OPALIN: variants seen among roughly 807,000 people sequenced by gnomAD.
OPALIN encodes oligodendrocytic myelin paranodal and inner loop protein, also known as transmembrane protein 10.
A neutral mutation model predicts 17.8 loss-of-function variants in OPALIN; 15 were observed. The observed-to-expected ratio is 0.84, with a 90% CI of 0.56 to 1.29. The LOEUF is 1.29. Ranked by LOEUF, OPALIN falls within the 50% of genes most tolerant of loss-of-function variation. The pLI is 0.00. For synonymous variants in OPALIN, 62 were observed against 63.8 expected, an observed-to-expected ratio of 0.97 and a Z score of 0.14; for missense variants, 170 against 176.0, an observed-to-expected ratio of 0.97 and a Z score of 0.19.
chr10:96,348,397 G>T (rs1464176268), intron 4 of OPALIN, 52 bp from the exon 5 acceptor site: 6 of 910,354 alleles, frequency 6.6e-6, no homozygotes, highest in Non-Finnish European at 8.8e-6. Context: ...AGAAGTGAAG[G>T]GTTATAGCAT....
At chr10:96,346,259 T>A in intron 5 of OPALIN, 142 bp from the exon 6 acceptor site, 2 of 695,274 alleles carry the variant, frequency 2.9e-6, no homozygotes, top group Non-Finnish European at 4.9e-6. Flanking sequence ...TTCAAGACAC[T>A]AGACAACAGG....
At chr10:96,354,701 G>T (rs949997321) in intron 2 of OPALIN, among the ~76,000 whole-genome samples, 5 of 150,562 alleles carry the variant, frequency 3.3e-5, no homozygotes, top group African/African-American at 1.0e-4. Flanking sequence ...TATTGTTGTT[G>T]TTGTTTTCCT....
At chr10:96,347,720 G>A (rs914115346) in intron 5 of OPALIN, among the ~76,000 whole-genome samples, 2 of 151,882 alleles carry the variant, frequency 1.3e-5, no homozygotes, top group East Asian at 1.9e-4. Flanking sequence ...TGATTCACCC[G>A]CCTCAGCCTC....
chr10:96,358,619 A>G (rs573798597), intron 1 of OPALIN, among the ~76,000 whole-genome samples: 1 of 152,382 alleles, frequency 6.6e-6, no homozygotes, highest in African/African-American at 2.4e-5. Context: ...AAAATCGTTG[A>G]TTAGATCCAT....
intron 2 of OPALIN, among the ~76,000 whole-genome samples, chr10:96,352,361 T>A (rs1464986916): frequency 2.0e-5 from 3 of 151,996 alleles, no homozygotes; most frequent in Non-Finnish European, 1.5e-5. Context: ...ATGTAATAGA[T>A]CTCAGAGAAG....
At position 96,344,750 on chromosome 10, in the gene OPALIN, C is replaced by T. The variant is rs1236584152; in HGVS notation, c.*1191G>A. On this transcript the variant is annotated 3_prime_UTR_variant, in exon 6 of 6. Coordinates refer to ENST00000371172, the MANE Select transcript of OPALIN (RefSeq NM_033207.5). ...AAAATAAAAGAAGTTGTAACTTTAA[C>T]AACTATCCCTAAAGCACAAAAGTTA... 1 of 152,148 alleles carries T rather than the reference C, an allele frequency of 6.6e-6. No homozygotes were observed. The highest frequency in any genetic ancestry group is 2.4e-5 in the African/African-American group (1 of 41,438). The allele number at this position is 152,148 out of a possible 1,614,324, so 9.4% of individuals were successfully genotyped here.
intron 2 of OPALIN, among the ~76,000 whole-genome samples, chr10:96,354,494 A>G (rs72829512): frequency 0.086 from 13,141 of 152,290 alleles, 588 homozygotes; most frequent in Non-Finnish European, 0.098. Flanking sequence ...TTATGCGATC[A>G]TAATATGATC....
Position 96,355,302 on chromosome 10 carries a change from A to T in OPALIN, c.4-12T>A. The stretch of plus-strand genomic sequence containing the variant: ...TTCAGTGAAAAACTCTGCAAGATAG[A>T]AGTAAACATTAAAGCTCCCAGGGAT... On this transcript the variant is annotated splice_polypyrimidine_tract_variant and intron_variant, in intron 1 of 5. Transcript: ENST00000371172. 6.2e-7 allele frequency: 1 copy of T among 1,613,640 alleles called. No individual in the cohort carries two copies. The highest frequency in any genetic ancestry group is 8.5e-7 in the Non-Finnish European group (1 of 1,179,738).
chr10:96,351,220 C>T (rs1234476411), intron 3 of OPALIN, among the ~76,000 whole-genome samples, 158 bp downstream of exon 3: 1 of 152,178 alleles, frequency 6.6e-6, no homozygotes, highest in African/African-American at 2.4e-5. Context: ...TGCATGTTCT[C>T]CCTCACTTTT....
At position 96,344,630 on chromosome 10, in the gene OPALIN, AT is replaced by A. The variant is rs1411733512; in HGVS notation, c.*1310del. 1 of 152,050 alleles carries A rather than the reference AT, an allele frequency of 6.6e-6. No individual in the cohort carries two copies. Among genetic ancestry groups the A allele is most frequent in the Non-Finnish European group, 1.5e-5 (1 of 68,022 alleles). 9.4% of individuals were successfully genotyped at this position (152,050 alleles called of 1,614,324 possible). A position where few individuals can be genotyped will look rare whatever the true frequency, so the allele number is the denominator to read the frequency against. On this transcript the variant is annotated 3_prime_UTR_variant, in exon 6 of 6. Coordinates refer to ENST00000371172, the MANE Select transcript of OPALIN (RefSeq NM_033207.5). Reference sequence around the variant, plus strand: ...CACTTGAAGTAGCCTCTCCTTTTCCATTTGGCCTCCTTGGAGACAGTCCTCA... The same window carrying A: ...CACTTGAAGTAGCCTCTCCTTTTCCATTGGCCTCCTTGGAGACAGTCCTCA...
At position 96,358,904 on chromosome 10, in the gene OPALIN, A is replaced by G. The variant is rs756374694; in HGVS notation, c.-8T>C. ...CCAGCTTTCACTCACCATTTCTGAC[A>G]GTCTCCCAGGAACCTTCTTCGTACA... On this transcript the variant is annotated 5_prime_UTR_variant, in exon 1 of 6. Coordinates refer to ENST00000371172, the MANE Select transcript of OPALIN (RefSeq NM_033207.5). 1.2e-6 allele frequency: 2 copies of G among 1,614,126 alleles called. No individual in the cohort carries two copies. The highest frequency in any genetic ancestry group is 4.5e-5 in the East Asian group (2 of 44,886).
At chr10:96,352,887 T>C (rs1845645849) in intron 2 of OPALIN, among the ~76,000 whole-genome samples, 1 of 152,208 alleles carries the variant, frequency 6.6e-6, no homozygotes, top group African/African-American at 2.4e-5. Flanking sequence ...TGCTTCTCTC[T>C]TTCTCTCCAG....
intron 2 of OPALIN, 40 bp downstream of exon 2, chr10:96,355,215 T>C: frequency 6.2e-7 from 1 of 1,604,134 alleles, no homozygotes. Context: ...TGCACTGGTC[T>C]TCTCTGCGTT....
chr10:96,346,124 G>T lies in OPALIN; in HGVS notation c.250-7C>A. Reference sequence around the variant, plus strand: ...TGGGTGATCTCCTAGGATTCTTAAGGAAACAAATAGGTTTTTTAAAAACTA... The same window carrying T: ...TGGGTGATCTCCTAGGATTCTTAAGTAAACAAATAGGTTTTTTAAAAACTA... On this transcript the variant is annotated splice_region_variant and splice_polypyrimidine_tract_variant and intron_variant, in intron 5 of 5. Transcript: ENST00000371172. The T allele has an allele frequency of 6.2e-7, 1 of 1,612,164 alleles. No homozygotes were observed. The highest frequency in any genetic ancestry group is 1.1e-5 in the South Asian group (1 of 90,698).
intron 2 of OPALIN, among the ~76,000 whole-genome samples, chr10:96,355,046 G>A (rs1488609195): frequency 2.4e-5 from 3 of 126,094 alleles, no homozygotes; most frequent in African/African-American, 9.0e-5. Flanking sequence ...GCAGTGAGTC[G>A]AGATCATGCC....
chr10:96,356,050 C>T lies in OPALIN; in HGVS notation c.4-760G>A, dbSNP rs553869225. Among the ~76,000 whole-genome samples the T allele has an allele frequency of 3.9e-5, 6 of 152,220 alleles. 1 individual carries two copies. The South Asian group carries it at 1.2e-3, about 31-fold the overall frequency. On this transcript the variant is annotated intron_variant, in intron 1 of 5. Coordinates refer to ENST00000371172, the MANE Select transcript of OPALIN (RefSeq NM_033207.5). ...TGCTCCTTACCAAGTCCTTTCCCTA[C>T]CTAGATTGGAATGATGGGTGGACCT...
chr10:96,351,503 C>A, intron 2 of OPALIN, 93 bp from the exon 3 acceptor site: 2 of 700,602 alleles, frequency 2.9e-6, no homozygotes, highest in Admixed American at 3.0e-5. Flanking sequence ...GGCTATAAAG[C>A]CTAAAGTTTA....
chr10:96,347,415 A>C (rs1468187965), intron 5 of OPALIN, among the ~76,000 whole-genome samples: 1 of 151,884 alleles, frequency 6.6e-6, no homozygotes, highest in Non-Finnish European at 1.5e-5. Flanking sequence ...TTCTATGTCG[A>C]CAATCATACC....
At chr10:96,355,679 T>C (rs1162942554) in intron 1 of OPALIN, among the ~76,000 whole-genome samples, 1 of 152,352 alleles carries the variant, frequency 6.6e-6, no homozygotes, top group South Asian at 2.1e-4. Context: ...CTGTTGAATT[T>C]AGAAGTATTT....
Sources: allele counts gnomAD v4.1 joint callset (sites outside exome capture counted in the v4.1 genomes callset), GRCh38; gene constraint gnomAD v4.1.1; transcripts MANE v1.5; gene names NCBI Gene and HGNC (gene_info 2026-07-23, HGNC 2026-07-21).